Variants in DAPP1 observed in about 807,000 individuals in gnomAD.
DAPP1 encodes dual adapter for phosphotyrosine and 3-phosphotyrosine and 3-phosphoinositide.
A neutral mutation model predicts 41.5 loss-of-function variants in DAPP1; 20 were observed. The ratio of observed to expected loss-of-function variants is 0.48; its 90% CI spans 0.34 to 0.70. The LOEUF is 0.70. DAPP1 is among the 30% of genes least tolerant of loss of function. DAPP1 has a pLI of 0.01. For missense variants in DAPP1, 233 were observed against 333.4 expected, an observed-to-expected ratio of 0.70 and a Z score of 2.35; for synonymous variants, 113 against 116.2, an observed-to-expected ratio of 0.97 and a Z score of 0.18.
At position 99,861,562 on chromosome 4, in the gene DAPP1, T is replaced by A; in HGVS notation, c.490-16T>A. 6.4e-7 allele frequency: 1 copy of A among 1,565,150 alleles called. No homozygotes were observed. The highest frequency in any genetic ancestry group is 8.7e-7 in the Non-Finnish European group (1 of 1,153,998). ...TGTGACAGTTCTGGTCTTCACTCAG[T>A]GCTTTTCTTTTTCAGCTGGGCACCA... On this transcript the variant is annotated splice_polypyrimidine_tract_variant and intron_variant, in intron 4 of 8. Transcript: ENST00000512369.
rs193012048 is a variant in DAPP1 at position 99,857,479 on chromosome 4, A to T, written c.490-4099A>T. Among the ~76,000 whole-genome samples the T allele has an allele frequency of 8.6e-3, 1,315 of 152,280 alleles. 5 individuals carry two copies. The highest frequency in any genetic ancestry group is 0.017 in the South Asian group (81 of 4,824). On this transcript the variant is annotated intron_variant, in intron 4 of 8. Transcript: ENST00000512369. ...CCCTTTTGTGGTATTTGACGTTTTT[A>T]ACAACTCCCTCCTTCTAAAAATTCT...
At chr4:99,850,417 A>AT (rs1241035344) in intron 3 of DAPP1, among the ~76,000 whole-genome samples, 3 of 152,170 alleles carry the variant, frequency 2.0e-5, no homozygotes, top group Non-Finnish European at 1.5e-5. Context: ...CTCAAAAAAA[A>AT]AAAATTAACA....
chr4:99,824,475 C>T (rs980030255), intron 1 of DAPP1, among the ~76,000 whole-genome samples: 1 of 152,138 alleles, frequency 6.6e-6, no homozygotes, highest in African/African-American at 2.4e-5. Context: ...TTAGAGGTAT[C>T]GCCTAAACCA....
chr4:99,836,226 C>G (rs961890581), intron 2 of DAPP1, among the ~76,000 whole-genome samples: 5 of 152,136 alleles, frequency 3.3e-5, no homozygotes, highest in African/African-American at 1.2e-4. Flanking sequence ...CATATTGAGT[C>G]TCTATTTCTC....
At chr4:99,824,157 G>A (rs1722863845) in intron 1 of DAPP1, among the ~76,000 whole-genome samples, 1 of 152,172 alleles carries the variant, frequency 6.6e-6, no homozygotes, top group Admixed American at 6.6e-5. Context: ...GTACTAAGAG[G>A]TTTAGCCACT....
chr4:99,839,613 G>T (rs1214563218), intron 2 of DAPP1, among the ~76,000 whole-genome samples: 1 of 152,084 alleles, frequency 6.6e-6, no homozygotes, highest in East Asian at 1.9e-4. Context: ...AAAGCCCAAG[G>T]CAGAGGAGAG....
chr4:99,817,863 T>C (rs962169577), intron 1 of DAPP1, among the ~76,000 whole-genome samples: 8 of 152,242 alleles, frequency 5.3e-5, no homozygotes, highest in African/African-American at 1.7e-4. Context: ...TAACTCTTCA[T>C]AGCAATCCAA....
chr4:99,816,883 GTCTC>G lies in DAPP1; in HGVS notation c.-23_-20del, dbSNP rs750028884. 3.2e-6 allele frequency: 5 copies of G among 1,568,450 alleles called. No homozygotes were observed. In the Admixed American group the frequency reaches 5.5e-5, roughly 17 times the overall value. Reference sequence around the variant, plus strand: ...AAGGTGTCAGGAGCAGCCCAGTTGTGTCTCTCTCTCTACCTCTGTGAAGGGCGCG... The same window carrying G: ...AAGGTGTCAGGAGCAGCCCAGTTGTGTCTCTCTACCTCTGTGAAGGGCGCG... On this transcript the variant is annotated 5_prime_UTR_variant, in exon 1 of 9. Transcript: ENST00000512369.
chr4:99,822,680 A>T (rs73835612), intron 1 of DAPP1, among the ~76,000 whole-genome samples: 11,489 of 151,864 alleles, frequency 0.076, 494 homozygotes, highest in Middle Eastern at 0.14. Flanking sequence ...TCTGGTCTCT[A>T]CCTCTATCCA....
At chr4:99,853,931 A>G (rs1723956548) in intron 4 of DAPP1, among the ~76,000 whole-genome samples, 1 of 152,250 alleles carries the variant, frequency 6.6e-6, no homozygotes, top group Non-Finnish European at 1.5e-5. Flanking sequence ...AATGGAAAAG[A>G]GAAGTTTGCA....
intron 4 of DAPP1, among the ~76,000 whole-genome samples, chr4:99,856,571 G>A (rs1031156822): frequency 6.6e-6 from 1 of 152,172 alleles, no homozygotes; most frequent in Non-Finnish European, 1.5e-5. Context: ...GCACCTCCCA[G>A]CTGAGCATTT....
At chr4:99,830,272 A>T (rs900039125) in intron 1 of DAPP1, among the ~76,000 whole-genome samples, 1 of 152,188 alleles carries the variant, frequency 6.6e-6, no homozygotes, top group Non-Finnish European at 1.5e-5. Context: ...AGTCTCAGCT[A>T]CTAGGAAGGC....
rs1553939466 is a variant in DAPP1 at position 99,839,369 on chromosome 4, A to ATAGATATATATAGAT, written c.225-913_225-912insATATAGATTAGATAT. 1.0e-2 allele frequency among the ~76,000 whole-genome samples: 1,079 copies of ATAGATATATATAGAT among 108,126 alleles called. 15 individuals carry two copies. The highest frequency in any genetic ancestry group is 0.038 in the African/African-American group (990 of 26,378). 70.9% of individuals were successfully genotyped at this position (108,126 alleles called of 152,430 possible). ...GGCAGATATATATATATAGATATAT[A>ATAGATATATATAGAT]TAGATATCTATAGATATATATAGAT... On this transcript the variant is annotated intron_variant, in intron 2 of 8. Transcript: ENST00000512369.
At chr4:99,857,701 T>TATAC (rs776829227) in intron 4 of DAPP1, among the ~76,000 whole-genome samples, 90 of 143,106 alleles carry the variant, frequency 6.3e-4, no homozygotes, top group South Asian at 9.3e-4. Flanking sequence ...TGTATGTATA[T>TATAC]ACACACACAC....
chr4:99,858,837 G>A (rs2110163510), intron 4 of DAPP1, among the ~76,000 whole-genome samples: 1 of 151,858 alleles, frequency 6.6e-6, no homozygotes. Flanking sequence ...TCCCTGATTT[G>A]GCCAGTCGGG....
At chr4:99,826,820 G>A (rs994889502) in intron 1 of DAPP1, among the ~76,000 whole-genome samples, 12 of 152,160 alleles carry the variant, frequency 7.9e-5, no homozygotes, top group South Asian at 2.1e-4. Context: ...TCATTCTCCC[G>A]CTCCATGAAG....
chr4:99,828,899 T>C (rs976684951), intron 1 of DAPP1, among the ~76,000 whole-genome samples: 5 of 152,210 alleles, frequency 3.3e-5, no homozygotes, highest in African/African-American at 7.2e-5. Flanking sequence ...ATTATGGCAA[T>C]GTGTGGGCCT....
intron 3 of DAPP1, among the ~76,000 whole-genome samples, chr4:99,842,882 C>T (rs1723542544): frequency 6.9e-6 from 1 of 145,904 alleles, no homozygotes; most frequent in Non-Finnish European, 1.5e-5. Flanking sequence ...GACGGAGTCT[C>T]GCTCTGTCGC....
Position 99,870,161 on chromosome 4 carries a change from A to C in DAPP1, c.*1976A>C, listed in dbSNP as rs951003016. The C allele has an allele frequency of 2.0e-5, 3 of 152,090 alleles. No homozygotes were observed. Among genetic ancestry groups the C allele is most frequent in the Non-Finnish European group, 2.9e-5 (2 of 68,014 alleles). 9.4% of individuals were successfully genotyped at this position (152,090 alleles called of 1,614,324 possible). ...CTGTGCATGTACCATTTTGCTATTA[A>C]AATTTATTTTTAATATTTGTAACTT... On this transcript the variant is annotated 3_prime_UTR_variant, in exon 9 of 9. Transcript: ENST00000512369.
Sources: gnomAD v4.1 joint callset for allele counts (sites outside exome capture counted in the v4.1 genomes callset) on GRCh38, gnomAD v4.1.1 for gene constraint, MANE v1.5 for transcripts, NCBI Gene and HGNC (gene_info 2026-07-23, HGNC 2026-07-21) for gene names.